Variants in DPY19L1 observed in about 807,000 individuals in gnomAD.
DPY19L1 encodes dpy-19 like C-mannosyltransferase 1.
DPY19L1 carries 35 observed loss-of-function variants against 96.9 expected under a neutral mutation model. The observed-to-expected ratio is 0.36, with a 90% CI of 0.28 to 0.48. DPY19L1 has a LOEUF of 0.48. Ranked by LOEUF, DPY19L1 falls within the 20% of genes least tolerant of loss-of-function variation. The pLI is 0.99. For missense variants in DPY19L1, 521 were observed against 777.9 expected (o/e 0.67, Z 3.93); for synonymous variants, 205 against 252.6 (o/e 0.81, Z 1.79).
rs1487538155 is a variant in DPY19L1, at chr7:34,957,919, GT to G, written c.1179+64del. The G allele has an allele frequency of 1.2e-5, 13 of 1,072,320 alleles. No homozygotes were observed. The Admixed American group carries it at 3.5e-4, about 29-fold the overall frequency. The allele number at this position is 1,072,320 out of a possible 1,614,324, so 66.4% of individuals were successfully genotyped here. ...GAAAACCCTGATGAATCCTAAGCCA[GT>G]GAAGAAAAAATTGTTAAACCATTAG... On this transcript the variant is annotated intron_variant, in intron 11 of 21. Coordinates refer to ENST00000638088, the MANE Select transcript of DPY19L1 (RefSeq NM_001366673.1).
intron 6 of DPY19L1, among the ~76,000 whole-genome samples, chr7:34,990,271 ATATT>A (rs1785139080): frequency 6.6e-6 from 1 of 152,158 alleles, no homozygotes; most frequent in Admixed American, 6.6e-5. Flanking sequence ...TTAGTACCTC[ATATT>A]TATTTATGTC....
In DPY19L1 at chr7:34,930,726, G is replaced by C. The variant is rs1414925373; in HGVS notation, c.*847C>G. The C allele has an allele frequency of 6.6e-6, 1 of 152,032 alleles. No individual in the cohort carries two copies. Among genetic ancestry groups the C allele is most frequent in the Admixed American group, 6.5e-5 (1 of 15,274 alleles). The allele number at this position is 152,032 out of a possible 1,614,324, so 9.4% of individuals were successfully genotyped here. A position where few individuals can be genotyped will look rare whatever the true frequency, so the allele number is the denominator to read the frequency against. Reference sequence around the variant, plus strand: ...TAATTAAACATGAAAAAACTTTAAAGTGGTTTAAAGGTATTAAAATATAAA... The same window carrying C: ...TAATTAAACATGAAAAAACTTTAAACTGGTTTAAAGGTATTAAAATATAAA... On this transcript the variant is annotated 3_prime_UTR_variant, in exon 22 of 22. Transcript: ENST00000638088.
chr7:34,939,775 A>C (rs1484165779), intron 19 of DPY19L1, among the ~76,000 whole-genome samples: 1 of 152,232 alleles, frequency 6.6e-6, no homozygotes, highest in African/African-American at 2.4e-5. Flanking sequence ...CCCTTTCCAC[A>C]CATGAATAAA....
chr7:34,997,148 G>C (rs1785304894), intron 6 of DPY19L1, among the ~76,000 whole-genome samples: 1 of 152,092 alleles, frequency 6.6e-6, no homozygotes, highest in East Asian at 1.9e-4. Flanking sequence ...GGAAGGTTTT[G>C]GAGAAAAGAT....
intron 11 of DPY19L1, among the ~76,000 whole-genome samples, chr7:34,957,455 A>T (rs975734383): frequency 2.6e-5 from 4 of 152,216 alleles, no homozygotes; most frequent in Admixed American, 6.5e-5. Context: ...ATGACCTTCC[A>T]TCAATTTGTT....
At chr7:35,037,834 C>CG, upstream of DPY19L1, 2 of 1,231,042 alleles carry the variant, frequency 1.6e-6, no homozygotes, top group African/African-American at 1.6e-5. Flanking sequence ...GGCGCCCGCG[C>CG]GGGGCTCGGC....
chr7:34,933,919 G>C (rs758195044), intron 21 of DPY19L1, among the ~76,000 whole-genome samples: 1 of 152,118 alleles, frequency 6.6e-6, no homozygotes, highest in Non-Finnish European at 1.5e-5. Flanking sequence ...CCTTGTGATC[G>C]TGTGAGTCAG....
intron 4 of DPY19L1, 43 bp from the exon 5 acceptor site, chr7:35,011,493 A>G: frequency 1.3e-6 from 2 of 1,528,020 alleles, no homozygotes; most frequent in Non-Finnish European, 1.8e-6. Context: ...AATATACTAA[A>G]CAATTTTCAT....
chr7:35,030,262 T>C (rs1258584593), intron 1 of DPY19L1, among the ~76,000 whole-genome samples: 7 of 152,204 alleles, frequency 4.6e-5, no homozygotes, highest in Admixed American at 3.3e-4. Flanking sequence ...AAGGGCAGAG[T>C]AGTAGCACTT....
intron 1 of DPY19L1, among the ~76,000 whole-genome samples, chr7:35,024,881 T>A (rs1357445458): frequency 6.6e-6 from 1 of 152,242 alleles, no homozygotes. Flanking sequence ...AATTCATCTT[T>A]ACACTACCTA....
rs760070642 is a variant in DPY19L1 at position 35,013,632 on chromosome 7, T to C, written c.485A>G (p.Asn162Ser). The change falls in exon 4 of 22, where the codon AAT becomes AGT. Residue 162 changes from asparagine to serine, a missense_variant. By Grantham distance (46) the Asn-to-Ser change is conservative. Coordinates refer to ENST00000638088, the MANE Select transcript of DPY19L1 (RefSeq NM_001366673.1). ...AAGGGGGTATTCAGTCAGTTTATCA[T>C]TCATAATCATCCATACTCCATTCAA... ...SFLNGVWMIMNDKLTEYPLVI... is the reference protein window; with the variant it reads ...SFLNGVWMIMSDKLTEYPLVI... 1 of 1,609,036 alleles carries C rather than the reference T, an allele frequency of 6.2e-7. No homozygotes were observed. Among genetic ancestry groups the C allele is most frequent in the Non-Finnish European group, 8.5e-7 (1 of 1,176,112 alleles).
intron 6 of DPY19L1, among the ~76,000 whole-genome samples, chr7:34,997,359 G>T (rs1296460108): frequency 6.7e-6 from 1 of 148,158 alleles, no homozygotes; most frequent in Non-Finnish European, 1.5e-5. Context: ...TTGGGAGGCC[G>T]AGGCGGGCGG....
In DPY19L1 at chr7:34,930,030, G is replaced by A. The variant is rs1200589832; in HGVS notation, c.*1543C>T. On this transcript the variant is annotated 3_prime_UTR_variant, in exon 22 of 22. Transcript: ENST00000638088. ...TGTCAGCAAGCTGCTGCTTCCCCGG[G>A]ACCAGGCCTGCCCTTGGGCTCTGGT... The A allele has an allele frequency of 1.3e-5, 2 of 152,300 alleles. No homozygotes were observed. The highest frequency in any genetic ancestry group is 2.4e-5 in the African/African-American group (1 of 41,456). 9.4% of individuals were successfully genotyped at this position (152,300 alleles called of 1,614,324 possible). A position where few individuals can be genotyped will look rare whatever the true frequency, so the allele number is the denominator to read the frequency against.
At chr7:34,934,185 G>C (rs1372337012) in intron 21 of DPY19L1, among the ~76,000 whole-genome samples, 1 of 151,948 alleles carries the variant, frequency 6.6e-6, no homozygotes, top group African/African-American at 2.4e-5. Flanking sequence ...AGATGGTCTC[G>C]ATCTCCTGAC....
At chr7:34,958,858 A>C (rs922696624) in intron 10 of DPY19L1, among the ~76,000 whole-genome samples, 4 of 152,180 alleles carry the variant, frequency 2.6e-5, no homozygotes, top group Non-Finnish European at 4.4e-5. Context: ...AGCACCTTTT[A>C]TTCTATTTGC....
At chr7:34,971,161 C>A (rs1649248) in intron 8 of DPY19L1, among the ~76,000 whole-genome samples, 37,906 of 151,840 alleles carry the variant, frequency 0.25, 5,235 homozygotes, top group Admixed American at 0.39. Flanking sequence ...GAAACCAAGA[C>A]CTAAAGGAAA....
At chr7:35,034,754 A>G (rs1274844107) in intron 1 of DPY19L1, among the ~76,000 whole-genome samples, 2 of 152,222 alleles carry the variant, frequency 1.3e-5, no homozygotes, top group Non-Finnish European at 2.9e-5. Flanking sequence ...AATAGAAATG[A>G]ATCCATTTCT....
chr7:34,981,044 G>A (rs1784928258), intron 7 of DPY19L1, among the ~76,000 whole-genome samples: 1 of 152,180 alleles, frequency 6.6e-6, no homozygotes, highest in Admixed American at 6.5e-5. Context: ...GAACAGAGGT[G>A]AGCCTGCCTG....
intron 7 of DPY19L1, among the ~76,000 whole-genome samples, chr7:34,978,824 A>C (rs1206603555): frequency 6.6e-6 from 1 of 152,090 alleles, no homozygotes; most frequent in African/African-American, 2.4e-5. Flanking sequence ...GAAATGCTCC[A>C]ATGAGAATTT....
Sources: allele counts gnomAD v4.1 joint callset (sites outside exome capture counted in the v4.1 genomes callset), GRCh38; gene constraint gnomAD v4.1.1; transcripts MANE v1.5; gene names NCBI Gene and HGNC (gene_info 2026-07-23, HGNC 2026-07-21).